KRTAP10-5: variants seen among roughly 807,000 people sequenced by gnomAD.
The protein encoded by KRTAP10-5 is keratin associated protein 10-5.
For missense variants in KRTAP10-5, 370 were observed against 351.2 expected (o/e 1.05, Z -0.43); for synonymous variants, 157 against 151.9 (o/e 1.03, Z -0.25).
Position 44,580,147 on chromosome 21 carries a change from G to A in KRTAP10-5, c.432C>T (p.Thr144=). ...AGCATGAAGAGGAATCCTCAGAACAGGTGGGCACACAGCACACGGGCTTGC... is the reference window on the plus strand; with the variant it reads ...AGCATGAAGAGGAATCCTCAGAACAAGTGGGCACACAGCACACGGGCTTGC... ...VCCKPVCCVP[T]CSEDSSSCCQ... is the part of the protein sequence containing the mutation. The change falls in exon 1 of 1, where the codon ACC becomes ACT. Residue 144 remains threonine, a synonymous_variant. Transcript: ENST00000400372. The A allele has an allele frequency of 6.2e-7, 1 of 1,613,758 alleles. No homozygotes were observed. The highest frequency in any genetic ancestry group is 8.5e-7 in the Non-Finnish European group (1 of 1,179,942).
rs1441042906 is a variant in KRTAP10-5 at position 44,580,063 on chromosome 21, G to A, written c.516C>T (p.Cys172=). 11 of 1,594,890 alleles carry A rather than the reference G, an allele frequency of 6.9e-6. No individual in the cohort carries two copies. Among genetic ancestry groups the A allele is most frequent in the Non-Finnish European group, 9.4e-6 (11 of 1,167,972 alleles). Reference sequence around the variant, plus strand: ...CAGGCTTGCAACAGACAGGCACGTAGCAGGACTGCTGGCAGGGGGAGGAGG... The same window carrying A: ...CAGGCTTGCAACAGACAGGCACGTAACAGGACTGCTGGCAGGGGGAGGAGG... ...CCTSSPCQQS[C]YVPVCCKPVC... The change falls in exon 1 of 1, where the codon TGC becomes TGT. Residue 172 remains cysteine (C), a synonymous_variant. Transcript: ENST00000400372.
At position 44,580,595 on chromosome 21, in the gene KRTAP10-5, C is replaced by T. The variant is rs5017207; in HGVS notation, c.-17G>A. 6.9e-6 allele frequency: 11 copies of T among 1,597,954 alleles called. No individual in the cohort carries two copies. Among genetic ancestry groups the T allele is most frequent in the South Asian group, 4.6e-5 (4 of 87,198 alleles). Reference sequence around the variant, plus strand: ...CGCGGCCATGCTGGGGTGGGGAAGACGTGAGCTGGGAGCTGGGGGAGGTGT... The same window carrying T: ...CGCGGCCATGCTGGGGTGGGGAAGATGTGAGCTGGGAGCTGGGGGAGGTGT... On this transcript the variant is annotated 5_prime_UTR_variant, in exon 1 of 1. Coordinates refer to ENST00000400372, the MANE Select transcript of KRTAP10-5 (RefSeq NM_198694.3).
chr21:44,579,877 G>A lies in KRTAP10-5; in HGVS notation c.702C>T (p.Cys234=), dbSNP rs782156571. The A allele has an allele frequency of 1.0e-4, 165 of 1,598,250 alleles. No homozygotes were observed. The Admixed American group carries it at 1.1e-3, about 10-fold the overall frequency. ...GGGCACAGCAGGAGGAGATGGGCAG[G>A]CAGCAGGCGGGCCTGCATATGGGGC... ...LCRPICRPAC[C]LPISSCCAPA... Residue 234 remains cysteine, a synonymous_variant, in exon 1 of 1, where the codon TGC becomes TGT. Transcript: ENST00000400372.
Position 44,580,246 on chromosome 21 carries a change from G to A in KRTAP10-5, c.333C>T (p.Cys111=). ...PTCSKDSSSC[C]QQSSCQPTCC... is the part of the protein sequence containing the mutation. ...AAGTTGGCTGGCAGCTAGACTGCTGGCAGCATGAAGAGGAATCCTTAGAGC... is the reference window on the plus strand; with the variant it reads ...AAGTTGGCTGGCAGCTAGACTGCTGACAGCATGAAGAGGAATCCTTAGAGC... Residue 111 remains cysteine (C), a synonymous_variant, in exon 1 of 1, where the codon TGC becomes TGT. Coordinates refer to ENST00000400372, the MANE Select transcript of KRTAP10-5 (RefSeq NM_198694.3). 6.2e-7 allele frequency: 1 copy of A among 1,613,798 alleles called. No homozygotes were observed. Among genetic ancestry groups the A allele is most frequent in the Non-Finnish European group, 8.5e-7 (1 of 1,179,958 alleles).
chr21:44,579,992 G>A lies in KRTAP10-5; in HGVS notation c.587C>T (p.Ser196Phe), dbSNP rs782230433. ...GCTAGACTGCTGGCAGCATGAAGTG[G>A]AAGCCCCAGAGCAGACGGGCACACA... is the stretch of plus-strand genomic sequence containing the variant. ...ICCVPVCSGA[S>F]TSCCQQSSCQ... Residue 196 changes from serine (S) to phenylalanine (F), a missense_variant, in exon 1 of 1, where the codon TCC becomes TTC. Ser to Phe is a radical substitution (Grantham distance 155). Coordinates refer to ENST00000400372, the MANE Select transcript of KRTAP10-5 (RefSeq NM_198694.3). 1.5e-5 allele frequency: 25 copies of A among 1,613,252 alleles called. No homozygotes were observed. Among genetic ancestry groups the A allele is most frequent in the Non-Finnish European group, 2.0e-5 (24 of 1,179,900 alleles).
At position 44,579,960 on chromosome 21, in the gene KRTAP10-5, G is replaced by C. The variant is rs1343046020; in HGVS notation, c.619C>G (p.Pro207Ala). ...CAGCAGGAGGTGGTGCAGCAAGCCG[G>C]CTGACAGCTAGACTGCTGGCAGCAT... ...TSCCQQSSCQPACCTTSCCRP... is the reference protein window; with the variant it reads ...TSCCQQSSCQAACCTTSCCRP... Residue 207 changes from proline (P) to alanine (A), a missense_variant, in exon 1 of 1, where the codon CCG (proline) becomes GCG (alanine). Physicochemically the swap from Pro to Ala is conservative, Grantham distance 27. Transcript: ENST00000400372. 3.7e-6 allele frequency: 6 copies of C among 1,613,962 alleles called. No individual in the cohort carries two copies. In the African/African-American group the frequency reaches 6.7e-5, roughly 18 times the overall value.
chr21:44,580,536 C>G lies in KRTAP10-5; in HGVS notation c.43G>C (p.Asp15His), dbSNP rs1487971619. ...TMSVCSSACS[D>H]SWRVDDCPES... ...GGGCAGTCGTCCACTCGCCAGGAGTCAGAGCAAGCGCTGGAGCAGACGGAC... is the reference window on the plus strand; with the variant it reads ...GGGCAGTCGTCCACTCGCCAGGAGTGAGAGCAAGCGCTGGAGCAGACGGAC... Residue 15 changes from aspartate (D) to histidine (H), a missense_variant, in exon 1 of 1, where the codon GAC becomes CAC. Transcript: ENST00000400372. 1 of 1,613,712 alleles carries G rather than the reference C, an allele frequency of 6.2e-7. No homozygotes were observed. The highest frequency in any genetic ancestry group is 8.5e-7 in the Non-Finnish European group (1 of 1,179,926).
In KRTAP10-5 at chr21:44,580,445, C is replaced by T. The variant is rs587771602; in HGVS notation, c.134G>A (p.Ser45Asn). 3 of 1,613,194 alleles carry T rather than the reference C, an allele frequency of 1.9e-6. No homozygotes were observed. The South Asian group carries it at 3.3e-5, about 18-fold the overall frequency. Residue 45 changes from serine (S) to asparagine (N), a missense_variant, in exon 1 of 1, where the codon AGC (serine) becomes AAC (asparagine). Ser to Asn is a conservative substitution (Grantham distance 46). Transcript: ENST00000400372. ...CTGGCAGCAGGGGCTGGACACACAG[C>T]TCACTGGGGTGCAGACCAGGGTCAG... is the stretch of plus-strand genomic sequence containing the variant. ...PCLTLVCTPV[S>N]CVSSPCCQAA...
Position 44,580,335 on chromosome 21 carries a change from A to G in KRTAP10-5, c.244T>C (p.Ser82Pro). 1.9e-6 allele frequency: 3 copies of G among 1,613,800 alleles called. No individual in the cohort carries two copies. The highest frequency in any genetic ancestry group is 2.5e-6 in the Non-Finnish European group (3 of 1,179,976). Residue 82 changes from serine (S) to proline (P), a missense_variant, in exon 1 of 1, where the codon TCC (serine) becomes CCC (proline). Coordinates refer to ENST00000400372, the MANE Select transcript of KRTAP10-5 (RefSeq NM_198694.3). ...ACGCAGCAGGCCTGCTGGCAGGGGG[A>G]GGAGGCGCAGCAAGCCGGCTGGCAG... ...SCCQPACCAS[S>P]PCQQACCVPV...
Position 44,579,889 on chromosome 21 carries a change from C to A in KRTAP10-5, c.690G>T (p.Arg230Ser), listed in dbSNP as rs1344552831. The A allele has an allele frequency of 1.2e-6, 2 of 1,600,356 alleles. No homozygotes were observed. Among genetic ancestry groups the A allele is most frequent in the Non-Finnish European group, 1.7e-6 (2 of 1,170,106 alleles). Residue 230 changes from arginine to serine, a missense_variant, in exon 1 of 1, where the codon AGG becomes AGT. Physicochemically the swap from Arg to Ser is moderately radical, Grantham distance 110. Transcript: ENST00000400372. The part of the protein sequence containing the change: ...SVSLLCRPIC[R>S]PACCLPISSC... The stretch of plus-strand genomic sequence containing the variant: ...AGGAGATGGGCAGGCAGCAGGCGGG[C>A]CTGCATATGGGGCGGCAGAGGAGGG...
At position 44,580,117 on chromosome 21, in the gene KRTAP10-5, C is replaced by A; in HGVS notation, c.462G>T (p.Gln154His). The change falls in exon 1 of 1, where the codon CAG becomes CAT. Residue 154 changes from glutamine to histidine, a missense_variant. Physicochemically the swap from Gln to His is conservative, Grantham distance 24. Coordinates refer to ENST00000400372, the MANE Select transcript of KRTAP10-5 (RefSeq NM_198694.3). Reference sequence around the variant, plus strand: ...AGCAAGTCGGCTGGCAGCTAGAATGCTGGCAGCATGAAGAGGAATCCTCAG... The same window carrying A: ...AGCAAGTCGGCTGGCAGCTAGAATGATGGCAGCATGAAGAGGAATCCTCAG... ...TCSEDSSSCC[Q>H]HSSCQPTCCT... 1 of 1,613,312 alleles carries A rather than the reference C, an allele frequency of 6.2e-7. No homozygotes were observed. The highest frequency in any genetic ancestry group is 8.5e-7 in the Non-Finnish European group (1 of 1,179,876).
chr21:44,579,654 A>C lies in KRTAP10-5; in HGVS notation c.*109T>G. On this transcript the variant is annotated 3_prime_UTR_variant, in exon 1 of 1. Coordinates refer to ENST00000400372, the MANE Select transcript of KRTAP10-5 (RefSeq NM_198694.3). ...GTATGGAGGGGGGGGTCACCTCAGC[A>C]CATGGGGGCCCCGTCCCAAGCGGGG... 1 of 1,404,358 alleles carries C rather than the reference A, an allele frequency of 7.1e-7. No individual in the cohort carries two copies. Among genetic ancestry groups the C allele is most frequent in the Non-Finnish European group, 9.6e-7 (1 of 1,040,952 alleles). 87.0% of individuals were successfully genotyped at this position (1,404,358 alleles called of 1,614,324 possible). A position where few individuals can be genotyped will look rare whatever the true frequency, so the allele number is the denominator to read the frequency against.
At position 44,579,579 on chromosome 21, in the gene KRTAP10-5, C is replaced by T. The variant is rs1978728886; in HGVS notation, c.*184G>A. On this transcript the variant is annotated 3_prime_UTR_variant, in exon 1 of 1. Transcript: ENST00000400372. ...AGGGGACCCAACAGGCAGGTGGGCCCCTGCTGGGAGGCAGGAGCTGGGGAG... is the reference window on the plus strand; with the variant it reads ...AGGGGACCCAACAGGCAGGTGGGCCTCTGCTGGGAGGCAGGAGCTGGGGAG... The T allele has an allele frequency of 2.6e-6, 2 of 755,838 alleles. No individual in the cohort carries two copies. Among genetic ancestry groups the T allele is most frequent in the African/African-American group, 1.8e-5 (1 of 56,114 alleles). 46.8% of individuals were successfully genotyped at this position (755,838 alleles called of 1,614,324 possible).
Position 44,580,402 on chromosome 21 carries a change from G to A in KRTAP10-5, c.177C>T (p.Ser59=). ...SPCCQAACEP[S]PCQSGCTSSC... is the part of the protein sequence containing the mutation. ...AGCTGGTGCAGCCTGATTGGCAGGG[G>A]CTGGGCTCACAGGCCGCCTGGCAGC... Residue 59 remains serine (S), a synonymous_variant, in exon 1 of 1, where the codon AGC becomes AGT. Coordinates refer to ENST00000400372, the MANE Select transcript of KRTAP10-5 (RefSeq NM_198694.3). The A allele has an allele frequency of 6.2e-7, 1 of 1,613,090 alleles. No homozygotes were observed. Among genetic ancestry groups the A allele is most frequent in the Non-Finnish European group, 8.5e-7 (1 of 1,179,762 alleles).
chr21:44,580,023 T>A lies in KRTAP10-5; in HGVS notation c.556A>T (p.Ile186Phe). Residue 186 changes from isoleucine to phenylalanine, a missense_variant, in exon 1 of 1, where the codon ATC (isoleucine) becomes TTC (phenylalanine). Coordinates refer to ENST00000400372, the MANE Select transcript of KRTAP10-5 (RefSeq NM_198694.3). Reference sequence around the variant, plus strand: ...CCAGAGCAGACGGGCACACAGCAGATGGGTTTGCAGCAGACAGGCTTGCAA... The same window carrying A: ...CCAGAGCAGACGGGCACACAGCAGAAGGGTTTGCAGCAGACAGGCTTGCAA... ...VCCKPVCCKP[I>F]CCVPVCSGAS... is the part of the protein sequence containing the mutation. 6.3e-7 allele frequency: 1 copy of A among 1,587,038 alleles called. No individual in the cohort carries two copies. Among genetic ancestry groups the A allele is most frequent in the Non-Finnish European group, 8.6e-7 (1 of 1,164,362 alleles).
In KRTAP10-5 at chr21:44,580,094, C is replaced by T; in HGVS notation, c.485G>A (p.Cys162Tyr). 1 of 1,613,726 alleles carries T rather than the reference C, an allele frequency of 6.2e-7. No homozygotes were observed. Among genetic ancestry groups the T allele is most frequent in the Non-Finnish European group, 8.5e-7 (1 of 1,179,946 alleles). The change falls in exon 1 of 1, where the codon TGC becomes TAC. Residue 162 changes from cysteine to tyrosine, a missense_variant. Transcript: ENST00000400372. Reference protein sequence around the residue: ...CCQHSSCQPTCCTSSPCQQSC... With the variant: ...CCQHSSCQPTYCTSSPCQQSC... ...CTGCTGGCAGGGGGAGGAGGTGCAG[C>T]AAGTCGGCTGGCAGCTAGAATGCTG...
In KRTAP10-5 at chr21:44,579,808, G is replaced by C; in HGVS notation, c.771C>G (p.Cys257Trp). Reference sequence around the variant, plus strand: ...ACGCGGGGCGGCAGAGGAGGGACACGCAGGAGGCCGGGCGGCAGCAGCTGG... The same window carrying C: ...ACGCGGGGCGGCAGAGGAGGGACACCCAGGAGGCCGGGCGGCAGCAGCTGG... ...YQASCCRPAS[C>W]VSLLCRPACS... The change falls in exon 1 of 1, where the codon TGC (cysteine) becomes TGG (tryptophan). Residue 257 changes from cysteine to tryptophan, a missense_variant. Transcript: ENST00000400372. 2.5e-6 allele frequency: 4 copies of C among 1,609,752 alleles called. No homozygotes were observed. Among genetic ancestry groups the C allele is most frequent in the Non-Finnish European group, 2.5e-6 (3 of 1,178,142 alleles).
At position 44,580,053 on chromosome 21, in the gene KRTAP10-5, C is replaced by T; in HGVS notation, c.526G>A (p.Val176Ile). ...TTGCAGCAGACAGGCTTGCAACAGACAGGCACGTAGCAGGACTGCTGGCAG... is the reference window on the plus strand; with the variant it reads ...TTGCAGCAGACAGGCTTGCAACAGATAGGCACGTAGCAGGACTGCTGGCAG... ...SPCQQSCYVP[V>I]CCKPVCCKPI... The change falls in exon 1 of 1, where the codon GTC becomes ATC. Residue 176 changes from valine (V) to isoleucine (I), a missense_variant. Physicochemically the swap from Val to Ile is conservative, Grantham distance 29 (BLOSUM62 3). Transcript: ENST00000400372. 6.3e-7 allele frequency: 1 copy of T among 1,594,548 alleles called. No individual in the cohort carries two copies. Among genetic ancestry groups the T allele is most frequent in the Non-Finnish European group, 8.6e-7 (1 of 1,167,734 alleles).
chr21:44,580,033 G>A lies in KRTAP10-5; in HGVS notation c.546C>T (p.Cys182=). 6.3e-7 allele frequency: 1 copy of A among 1,594,910 alleles called. No homozygotes were observed. The highest frequency in any genetic ancestry group is 8.6e-7 in the Non-Finnish European group (1 of 1,167,874). The change falls in exon 1 of 1, where the codon TGC becomes TGT. Residue 182 remains cysteine, a synonymous_variant. Coordinates refer to ENST00000400372, the MANE Select transcript of KRTAP10-5 (RefSeq NM_198694.3). ...CYVPVCCKPV[C]CKPICCVPVC... ...CGGGCACACAGCAGATGGGTTTGCA[G>A]CAGACAGGCTTGCAACAGACAGGCA...
Sources: gnomAD v4.1 joint callset for allele counts on GRCh38, gnomAD v4.1.1 for gene constraint, MANE v1.5 for transcripts, NCBI Gene and HGNC (gene_info 2026-07-23, HGNC 2026-07-21) for gene names.